The following ZNF385A variants were observed in gnomAD, a reference collection of about 807,000 sequenced individuals.
The protein encoded by ZNF385A is zinc finger protein 385A, also known as hematopoietic zinc finger protein.
In ZNF385A, 14 loss-of-function variants were observed where a neutral mutation model predicts 32.1. The ratio of observed to expected loss-of-function variants is 0.44; its 90% CI spans 0.29 to 0.68. The LOEUF (loss-of-function observed/expected upper bound fraction) is 0.68, where lower values mean the gene tolerates loss of function less well. ZNF385A is among the 30% of genes least tolerant of loss of function. The pLI is 0.14. For synonymous variants in ZNF385A, 197 were observed against 202.7 expected (o/e 0.97, Z 0.24); for missense variants, 406 against 478.4 (o/e 0.85, Z 1.41).
intron 1 of ZNF385A, among the ~76,000 whole-genome samples, chr12:54,380,567 C>T (rs539382857): frequency 6.6e-6 from 1 of 152,300 alleles, no homozygotes; most frequent in East Asian, 1.9e-4. Context: ...CACACTCTCT[C>T]CCTTGGCTTC....
chr12:54,388,622 T>C (rs1592275702), upstream of ZNF385A, among the ~76,000 whole-genome samples: 1 of 152,216 alleles, frequency 6.6e-6, no homozygotes, highest in African/African-American at 2.4e-5. Flanking sequence ...GGGGTTAAGG[T>C]TGCAAGTAGT....
upstream of ZNF385A, among the ~76,000 whole-genome samples, chr12:54,388,794 G>A (rs1458116980): frequency 1.3e-5 from 2 of 152,114 alleles, no homozygotes; most frequent in African/African-American, 4.8e-5. Context: ...AATTGAGGGC[G>A]GGGGTGGGAG....
In ZNF385A at chr12:54,371,428, G is replaced by C; in HGVS notation, c.604+45C>G. The C allele has an allele frequency of 1.9e-6, 3 of 1,583,656 alleles. 1 individual carries two copies. In the South Asian group the frequency reaches 3.4e-5, roughly 18 times the overall value. Reference sequence around the variant, plus strand: ...GGCATTAGGATGTAGAGGCAGGGGTGGCCTGAGGACAGGAGAGTCTGGGTG... The same window carrying C: ...GGCATTAGGATGTAGAGGCAGGGGTCGCCTGAGGACAGGAGAGTCTGGGTG... On this transcript the variant is annotated intron_variant, in intron 4 of 6. Coordinates refer to ENST00000394313, the MANE Select transcript of ZNF385A (RefSeq NM_015481.3).
At chr12:54,371,173 C>T in intron 4 of ZNF385A, 77 bp from the exon 5 acceptor site, 1 of 1,481,522 alleles carries the variant, frequency 6.7e-7, no homozygotes, top group South Asian at 1.3e-5. Flanking sequence ...AATGCACATT[C>T]CCAGGTACAA....
chr12:54,370,018 T>G lies in ZNF385A; in HGVS notation c.*238A>C. ...GCTCGGGGGTGAGACGGCCCCCCCT[T>G]TTCTAGGGGAGAGGGAAAGGCAGGG... is the stretch of plus-strand genomic sequence containing the variant. On this transcript the variant is annotated 3_prime_UTR_variant, in exon 7 of 7. Coordinates refer to ENST00000394313, the MANE Select transcript of ZNF385A (RefSeq NM_015481.3). The surrounding 1 kb of genome is among the most constrained non-coding windows in gnomAD (Gnocchi z 5.5). 1.8e-5 allele frequency: 7 copies of G among 387,752 alleles called. No homozygotes were observed. Among genetic ancestry groups the G allele is most frequent in the Admixed American group, 4.1e-5 (1 of 24,282 alleles). 24.0% of individuals were successfully genotyped at this position (387,752 alleles called of 1,614,324 possible). A position where few individuals can be genotyped will look rare whatever the true frequency, so the allele number is the denominator to read the frequency against.
intron 1 of ZNF385A, 149 bp downstream of exon 1, chr12:54,384,279 C>T: frequency 1.1e-5 from 11 of 998,754 alleles, no homozygotes; most frequent in Non-Finnish European, 1.6e-5. Flanking sequence ...ACCAGATGGC[C>T]CACAATACTC....
At position 54,384,409 on chromosome 12, in the gene ZNF385A, C is replaced by T; in HGVS notation, c.87+19G>A. 6.4e-7 allele frequency: 1 copy of T among 1,565,868 alleles called. No individual in the cohort carries two copies. Among genetic ancestry groups the T allele is most frequent in the Non-Finnish European group, 8.7e-7 (1 of 1,155,350 alleles). ...TCGGGTCACAAGAGGATGGAGAAGGCAGGCAGGCTGCTACTTACGGTGCTG... is the reference window on the plus strand; with the variant it reads ...TCGGGTCACAAGAGGATGGAGAAGGTAGGCAGGCTGCTACTTACGGTGCTG... On this transcript the variant is annotated intron_variant, in intron 1 of 6. Transcript: ENST00000394313.
At chr12:54,371,354 G>T in intron 4 of ZNF385A, 119 bp downstream of exon 4, 2 of 1,360,264 alleles carry the variant, frequency 1.5e-6, no homozygotes, top group Non-Finnish European at 2.0e-6. Flanking sequence ...AAGGAGACAG[G>T]CAGATAGGCT....
chr12:54,378,976 G>T, intron 1 of ZNF385A: 1 of 846,848 alleles, frequency 1.2e-6, no homozygotes, highest in Non-Finnish European at 1.4e-6. Context: ...GGGAGCGGTA[G>T]CCAGCCCCGC....
In ZNF385A at chr12:54,375,859, G is replaced by C; in HGVS notation, c.183C>G (p.Ile61Met). Reference sequence around the variant, plus strand: ...GGCTTCTTACCTGAGAATTGAAGCGGATTTGACAGATATTACAGGAAATGA... The same window carrying C: ...GGCTTCTTACCTGAGAATTGAAGCGCATTTGACAGATATTACAGGAAATGA... Reference protein sequence around the residue: ...RPVISCNICQIRFNSQSQAEA... With the variant: ...RPVISCNICQMRFNSQSQAEA... The change falls in exon 2 of 7, where the codon ATC (isoleucine) becomes ATG (methionine). Residue 61 changes from isoleucine to methionine, a missense_variant. Transcript: ENST00000394313. 6.2e-7 allele frequency: 1 copy of C among 1,614,122 alleles called. No individual in the cohort carries two copies. Among genetic ancestry groups the C allele is most frequent in the South Asian group, 1.1e-5 (1 of 91,084 alleles).
At chr12:54,388,131 A>G (rs1010076992), upstream of ZNF385A, among the ~76,000 whole-genome samples, 2 of 151,630 alleles carry the variant, frequency 1.3e-5, no homozygotes, top group African/African-American at 4.9e-5. Flanking sequence ...TGGCTGGGGC[A>G]GGCCACTCTT....
At chr12:54,383,852 C>CTGGGAGT (rs1592266080) in intron 1 of ZNF385A, among the ~76,000 whole-genome samples, 1 of 152,352 alleles carries the variant, frequency 6.6e-6, no homozygotes, top group East Asian at 1.9e-4. Context: ...CAAGATCGTG[C>CTGGGAGT]CACTGCACAC....
chr12:54,372,840 AC>A, intron 3 of ZNF385A: 2 of 173,926 alleles, frequency 1.1e-5, no homozygotes, highest in South Asian at 8.1e-5. Context: ...GGAGTTTGAG[AC>A]CAGCTTGGGC....
In ZNF385A at chr12:54,379,558, C is replaced by T. The variant is rs1013228882; in HGVS notation, c.88-3604G>A. 4.6e-5 allele frequency among the ~76,000 whole-genome samples: 7 copies of T among 152,166 alleles called. 2 individuals carry two copies. Among genetic ancestry groups the T allele is most frequent in the Admixed American group, 6.5e-5 (1 of 15,288 alleles). On this transcript the variant is annotated intron_variant, in intron 1 of 6. Coordinates refer to ENST00000394313, the MANE Select transcript of ZNF385A (RefSeq NM_015481.3). ...CTGCTGACAGTCTGTCTTCAGAGTCCCCAGACGACCCTTCCCCAGCTTCCT... is the reference window on the plus strand; with the variant it reads ...CTGCTGACAGTCTGTCTTCAGAGTCTCCAGACGACCCTTCCCCAGCTTCCT...
chr12:54,371,637 G>A lies in ZNF385A; in HGVS notation c.440C>T (p.Pro147Leu), dbSNP rs559409329. 59 of 1,611,510 alleles carry A rather than the reference G, an allele frequency of 3.7e-5. No individual in the cohort carries two copies. In the East Asian group the frequency reaches 9.1e-4, roughly 25 times the overall value. The change falls in exon 4 of 7, where the codon CCG (proline) becomes CTG (leucine). Residue 147 changes from proline to leucine, a missense_variant. Coordinates refer to ENST00000394313, the MANE Select transcript of ZNF385A (RefSeq NM_015481.3). ...QPGSPSPPSIPETGQGVTKGE... is the reference protein window; with the variant it reads ...QPGSPSPPSILETGQGVTKGE... ...CTTGGTTACACCCTGACCAGTCTCC[G>A]GAATGCTGGGAGGGGATGGGGAGCC...
At chr12:54,373,148 T>TGA (rs1254363793) in intron 3 of ZNF385A, 3 of 155,586 alleles carry the variant, frequency 1.9e-5, no homozygotes, top group Non-Finnish European at 4.2e-5. Context: ...TGTGTGTGTG[T>TGA]GTGTGTGTGT....
At chr12:54,380,023 TAG>T in intron 1 of ZNF385A, among the ~76,000 whole-genome samples, 1 of 152,112 alleles carries the variant, frequency 6.6e-6, no homozygotes, top group East Asian at 1.9e-4. Context: ...GGACTGGATC[TAG>T]AGAGAGGGTG....
intron 1 of ZNF385A, among the ~76,000 whole-genome samples, chr12:54,379,717 C>T (rs1423509752): frequency 6.6e-6 from 1 of 152,160 alleles, no homozygotes; most frequent in Non-Finnish European, 1.5e-5. Flanking sequence ...GAGCTGAGGG[C>T]ACCCAGGGCA....
chr12:54,371,479 T>G lies in ZNF385A; in HGVS notation c.598A>C (p.Asn200His). ...GGGGCAGGGGAGTCCATACCTTTGT[T>G]ATGTGCCTCAAGCTGGGACAGGGAG... ...VNSLSQLEAH[N>H]KGTKHKTILE... is the part of the protein sequence containing the mutation. The change falls in exon 4 of 7, where the codon AAC becomes CAC. Residue 200 changes from asparagine to histidine, a missense_variant. Physicochemically the swap from Asn to His is moderately conservative, Grantham distance 68. Coordinates refer to ENST00000394313, the MANE Select transcript of ZNF385A (RefSeq NM_015481.3). 6.2e-7 allele frequency: 1 copy of G among 1,607,196 alleles called. No individual in the cohort carries two copies. Among genetic ancestry groups the G allele is most frequent in the African/African-American group, 1.3e-5 (1 of 74,658 alleles).
Sources: gnomAD v4.1 joint callset for allele counts (sites outside exome capture counted in the v4.1 genomes callset) on GRCh38, gnomAD v4.1.1 for gene constraint, Gnocchi (gnomAD v3.1) non-coding constraint, MANE v1.5 for transcripts, NCBI Gene and HGNC (gene_info 2026-07-23, HGNC 2026-07-21) for gene names.